PNPLA6: variants seen among roughly 807,000 people sequenced by gnomAD.
PNPLA6 encodes the protein patatin like domain 6, lysophospholipase.
In PNPLA6, 105 loss-of-function variants were observed where a neutral mutation model predicts 153.7. The ratio of observed to expected loss-of-function variants is 0.68; its 90% CI spans 0.58 to 0.80. The LOEUF (loss-of-function observed/expected upper bound fraction) is 0.80, where lower values mean the gene tolerates loss of function less well. Among genes scored for constraint, PNPLA6 ranks in the 30% least tolerant of loss-of-function variants. The pLI, the probability that PNPLA6 is intolerant of heterozygous loss-of-function variation, is 0.00. For missense variants in PNPLA6, 1,423 were observed against 1,919.3 expected, an observed-to-expected ratio of 0.74 and a Z score of 4.83; for synonymous variants, 825 against 822.2, an observed-to-expected ratio of 1.00 and a Z score of -0.06.
At chr19:7,547,382 C>T (rs2023427668) in intron 13 of PNPLA6, among the ~76,000 whole-genome samples, 1 of 152,170 alleles carries the variant, frequency 6.6e-6, no homozygotes, top group Non-Finnish European at 1.5e-5. Flanking sequence ...TGTAGTATGT[C>T]ATTGTGGTTT....
chr19:7,543,126 A>G, intron 13 of PNPLA6, 42 bp downstream of exon 13: 1 of 1,537,822 alleles, frequency 6.5e-7, no homozygotes, highest in Non-Finnish European at 9.0e-7. Context: ...ACCTGAGATC[A>G]TTCCCTATGA....
At chr19:7,551,520 G>A (rs2023650390) in intron 18 of PNPLA6, 83 bp downstream of exon 18, 1 of 1,183,720 alleles carries the variant, frequency 8.4e-7, no homozygotes, top group African/African-American at 1.5e-5. Context: ...TCTTTCCTGA[G>A]GGATGCTGGG....
At chr19:7,556,830 C>T in intron 26 of PNPLA6, 106 bp downstream of exon 26, 1 of 864,786 alleles carries the variant, frequency 1.2e-6, no homozygotes, top group Non-Finnish European at 2.0e-6. Context: ...ACACGAGTGA[C>T]CGTCCACCCT....
chr19:7,561,624 G>A lies in PNPLA6; in HGVS notation c.*62G>A, dbSNP rs1295380900. 1.0e-5 allele frequency: 12 copies of A among 1,199,250 alleles called. No homozygotes were observed. Among genetic ancestry groups the A allele is most frequent in the Admixed American group, 5.9e-5 (3 of 50,662 alleles). 74.3% of individuals were successfully genotyped at this position (1,199,250 alleles called of 1,614,324 possible). On this transcript the variant is annotated 3_prime_UTR_variant, in exon 32 of 32. Coordinates refer to ENST00000600737, the MANE Select transcript of PNPLA6 (RefSeq NM_001166114.2). ...TGGACTGGGCTGGGGGTGGCCCCGTGGGGGTAGCTCACTCCCCCTCCTGCT... is the reference window on the plus strand; with the variant it reads ...TGGACTGGGCTGGGGGTGGCCCCGTAGGGGTAGCTCACTCCCCCTCCTGCT...
intron 13 of PNPLA6, among the ~76,000 whole-genome samples, chr19:7,546,718 G>A (rs2023401949): frequency 6.6e-6 from 1 of 152,048 alleles, no homozygotes. Context: ...CTTATGTAAG[G>A]GCTTCTGTGT....
In PNPLA6 at chr19:7,554,913, C is replaced by A; in HGVS notation, c.2655C>A (p.Asn885Lys). The A allele has an allele frequency of 6.3e-7, 1 of 1,587,112 alleles. No homozygotes were observed. Among genetic ancestry groups the A allele is most frequent in the Non-Finnish European group, 8.5e-7 (1 of 1,172,098 alleles). Residue 885 changes from asparagine to lysine, a missense_variant, in exon 22 of 32, where the codon AAC (asparagine) becomes AAA (lysine). Coordinates refer to ENST00000600737, the MANE Select transcript of PNPLA6 (RefSeq NM_001166114.2). ...CGCAGCTGGAGCAGATGCTGGAGAA[C>A]ACGGCTGTGCGCGCCCTTAAGCAGC... ...TLGQLEQMLE[N>K]TAVRALKQLV...
intron 3 of PNPLA6, among the ~76,000 whole-genome samples, chr19:7,536,950 A>AAAAAAAAAG (rs1555743945): frequency 2.4e-5 from 3 of 127,110 alleles, no homozygotes; most frequent in African/African-American, 5.8e-5. Flanking sequence ...AAAAAAAAAA[A>AAAAAAAAAG]AAGAAGAAGA....
chr19:7,554,718 G>C lies in PNPLA6; in HGVS notation c.2629G>C (p.Gly877Arg). The C allele has an allele frequency of 6.2e-7, 1 of 1,612,598 alleles. No individual in the cohort carries two copies. The highest frequency in any genetic ancestry group is 1.1e-5 in the South Asian group (1 of 91,058). ...VGLGDQEPTL[G>R]QLEQMLENTA... ...CCTGGGGGACCAGGAGCCTACCCTC[G>C]GCCAGGTCGGAAGCCCGTGCCCCCT... Residue 877 changes from glycine to arginine, a missense_variant, in exon 21 of 32, where the codon GGC becomes CGC. Around this residue, in one of 10 missense-constraint regions of PNPLA6, gnomAD observed 643 missense variants for 835.2 expected, o/e 0.77. Transcript: ENST00000600737.
At position 7,540,966 on chromosome 19, in the gene PNPLA6, G is replaced by A. The variant is rs1176299190; in HGVS notation, c.839G>A (p.Arg280Gln). 5 of 1,611,422 alleles carry A rather than the reference G, an allele frequency of 3.1e-6. No individual in the cohort carries two copies. The highest frequency in any genetic ancestry group is 1.3e-5 in the African/African-American group (1 of 74,852). The change falls in exon 7 of 32, where the codon CGG becomes CAG. Residue 280 changes from arginine to glutamine, a missense_variant. Coordinates refer to ENST00000600737, the MANE Select transcript of PNPLA6 (RefSeq NM_001166114.2). The surrounding 1 kb of genome is among the most constrained non-coding windows in gnomAD (Gnocchi z 6.8). ...PQRTVSARAA[R>Q]DSTVLRLPVE... is the part of the protein sequence containing the mutation. The stretch of plus-strand genomic sequence containing the variant: ...CGGACCGTGTCTGCCCGGGCGGCCC[G>A]GGACTCCACGGTGCTGCGCCTGCCG...
intron 18 of PNPLA6, among the ~76,000 whole-genome samples, chr19:7,552,045 G>T (rs1251163462): frequency 6.6e-6 from 1 of 152,190 alleles, no homozygotes; most frequent in Non-Finnish European, 1.5e-5. Context: ...CGGAGGTCGA[G>T]GCTGCAGTGA....
chr19:7,540,440 T>A lies in PNPLA6; in HGVS notation c.714+132T>A, dbSNP rs2023079628. 1 of 1,128,308 alleles carries A rather than the reference T, an allele frequency of 8.9e-7. No homozygotes were observed. Among genetic ancestry groups the A allele is most frequent in the African/African-American group, 1.5e-5 (1 of 65,654 alleles). The allele number at this position is 1,128,308 out of a possible 1,614,324, so 69.9% of individuals were successfully genotyped here. On this transcript the variant is annotated intron_variant, in intron 5 of 31. Transcript: ENST00000600737. The surrounding 1 kb of genome is among the most constrained non-coding windows in gnomAD (Gnocchi z 6.8). ...CAGGGGAACGGGTGACCGAGGACAT[T>A]TGGGGTAGTCTGCGTAGTTGCTCAG... is the stretch of plus-strand genomic sequence containing the variant.
chr19:7,558,317 C>T (rs535510348), intron 27 of PNPLA6, among the ~76,000 whole-genome samples: 103 of 152,282 alleles, frequency 6.8e-4, no homozygotes, highest in Non-Finnish European at 1.2e-3. Context: ...TGAGTCCTGC[C>T]CTCTGTTTGA....
At position 7,549,815 on chromosome 19, in the gene PNPLA6, CTTCT is replaced by C. The variant is rs1395704715; in HGVS notation, c.1609-89_1609-86del. ...TCATATTTTTCTTAACCCTTCCTTTCTTCTTTAATTTTTTCCTGTGGGGGCATGT... is the reference window on the plus strand; with the variant it reads ...TCATATTTTTCTTAACCCTTCCTTTCTTAATTTTTTCCTGTGGGGGCATGT... On this transcript the variant is annotated intron_variant, in intron 13 of 31. Transcript: ENST00000600737. 4.7e-6 allele frequency: 6 copies of C among 1,283,526 alleles called. No homozygotes were observed. The African/African-American group carries it at 8.8e-5, about 19-fold the overall frequency. 79.5% of individuals were successfully genotyped at this position (1,283,526 alleles called of 1,614,324 possible). A position where few individuals can be genotyped will look rare whatever the true frequency, so the allele number is the denominator to read the frequency against.
At chr19:7,534,367 A>C (rs78477215), upstream of PNPLA6, 1 of 170,906 alleles carries the variant, frequency 5.9e-6, no homozygotes, top group South Asian at 1.2e-4. Flanking sequence ...CATACCCCCC[A>C]CGTCTCGGCA....
Position 7,541,832 on chromosome 19 carries a change from A to G in PNPLA6, c.1168+148A>G. 1.8e-6 allele frequency: 2 copies of G among 1,113,726 alleles called. No homozygotes were observed. The highest frequency in any genetic ancestry group is 1.5e-5 in the African/African-American group (1 of 65,300). 69.0% of individuals were successfully genotyped at this position (1,113,726 alleles called of 1,614,324 possible). A position where few individuals can be genotyped will look rare whatever the true frequency, so the allele number is the denominator to read the frequency against. ...AGCGGGGTACCCAGGTCTGACTCCTATCTGGTACCGAGGAAGCTGTGGCCT... is the reference window on the plus strand; with the variant it reads ...AGCGGGGTACCCAGGTCTGACTCCTGTCTGGTACCGAGGAAGCTGTGGCCT... On this transcript the variant is annotated intron_variant, in intron 9 of 31. Coordinates refer to ENST00000600737, the MANE Select transcript of PNPLA6 (RefSeq NM_001166114.2). The surrounding 1 kb of genome is among the most constrained non-coding windows in gnomAD (Gnocchi z 5.2).
chr19:7,552,567 C>T (rs2023697712), intron 18 of PNPLA6, among the ~76,000 whole-genome samples: 1 of 151,868 alleles, frequency 6.6e-6, no homozygotes, highest in African/African-American at 2.4e-5. Flanking sequence ...ACCAGCCTGG[C>T]CAACGTGGTG....
Position 7,555,624 on chromosome 19 carries a change from G to A in PNPLA6, c.2954G>A (p.Gly985Glu), listed in dbSNP as rs2023845366. 1.9e-6 allele frequency: 3 copies of A among 1,612,338 alleles called. No homozygotes were observed. Among genetic ancestry groups the A allele is most frequent in the Non-Finnish European group, 2.5e-6 (3 of 1,179,764 alleles). The change falls in exon 24 of 32, where the codon GGA becomes GAA. Residue 985 changes from glycine to glutamate, a missense_variant. Physicochemically the swap from Gly to Glu is moderately conservative, Grantham distance 98 (BLOSUM62 -2). Around this residue, in one of 10 missense-constraint regions of PNPLA6, gnomAD observed 643 missense variants for 835.2 expected, o/e 0.77. Transcript: ENST00000600737. This position sits in a 1 kb window ranked among gnomAD's most constrained non-coding sequence, Gnocchi z 6.3. ...GGGARGCSHI[G>E]VLKALEEAGV... The stretch of plus-strand genomic sequence containing the variant: ...CCCGGCAGGGGCTGCTCGCACATCG[G>A]AGTACTAAAGGCATTAGAGGAGGCG...
rs183762415 is a variant in PNPLA6 at position 7,540,129 on chromosome 19, G to A, written c.555-20G>A. 1.4e-3 allele frequency: 2,310 copies of A among 1,613,008 alleles called. 17 individuals carry two copies. The African/African-American group carries it at 0.028, about 19-fold the overall frequency. On this transcript the variant is annotated intron_variant, in intron 4 of 31. Coordinates refer to ENST00000600737, the MANE Select transcript of PNPLA6 (RefSeq NM_001166114.2). This position sits in a 1 kb window ranked among gnomAD's most constrained non-coding sequence, Gnocchi z 6.8. ...GCCGCCCTGACCTCCAGCCTCTGTC[G>A]CCCACCGCCTGTCCAACAGGGTGCT...
chr19:7,556,189 A>G (rs1163585239), intron 24 of PNPLA6, among the ~76,000 whole-genome samples: 2 of 149,470 alleles, frequency 1.3e-5, no homozygotes, highest in Non-Finnish European at 3.0e-5. Context: ...CAGCCTCATG[A>G]GTAGCTGGGA....
Sources: allele counts gnomAD v4.1 joint callset (sites outside exome capture counted in the v4.1 genomes callset), GRCh38; gene constraint gnomAD v4.1.1; regional missense constraint gnomAD v4.1.1; non-coding constraint Gnocchi (gnomAD v3.1); transcripts MANE v1.5; gene names NCBI Gene and HGNC (gene_info 2026-07-23, HGNC 2026-07-21).